Variants in HGSNAT observed in about 807,000 individuals in gnomAD.
HGSNAT encodes transmembrane protein 76.
A neutral mutation model predicts 85.2 loss-of-function variants in HGSNAT; 59 were observed. The observed-to-expected ratio is 0.69, with a 90% CI of 0.56 to 0.86. The LOEUF (loss-of-function observed/expected upper bound fraction) is 0.86, where lower values mean the gene tolerates loss of function less well. Ranked by LOEUF, HGSNAT falls within the 40% of genes least tolerant of loss-of-function variation. The pLI is 0.00. For synonymous variants in HGSNAT, 321 were observed against 304.5 expected, an observed-to-expected ratio of 1.05 and a Z score of -0.56; for missense variants, 756 against 777.1, an observed-to-expected ratio of 0.97 and a Z score of 0.32.
chr8:43,196,392 T>A (rs1207088584), intron 14 of HGSNAT: 3 of 1,114,806 alleles, frequency 2.7e-6, no homozygotes, highest in Non-Finnish European at 2.4e-6. Flanking sequence ...TCCCCCACCC[T>A]GCCTCTGGTT....
In HGSNAT at chr8:43,199,420, G is replaced by A. The variant is rs202128129; in HGVS notation, c.1759G>A (p.Glu587Lys). 373 of 1,607,222 alleles carry A rather than the reference G, an allele frequency of 2.3e-4. No homozygotes were observed. The African/African-American group carries it at 4.4e-3, about 19-fold the overall frequency. ...MNSILVYVGH[E>K]VFENYFPFQW... Reference sequence around the variant, plus strand: ...TTCCATTCTGGTATATGTCGGCCACGAGGTGTTTGAGAACTACTTCCCCTT... The same window carrying A: ...TTCCATTCTGGTATATGTCGGCCACAAGGTGTTTGAGAACTACTTCCCCTT... Residue 587 changes from glutamate to lysine, a missense_variant, in exon 18 of 18, where the codon GAG becomes AAG. By Grantham distance (56) the Glu-to-Lys change is moderately conservative (BLOSUM62 1). Coordinates refer to ENST00000379644, the MANE Select transcript of HGSNAT (RefSeq NM_152419.3).
chr8:43,143,736 TG>T (rs1302474832), intron 1 of HGSNAT, among the ~76,000 whole-genome samples: 2 of 150,726 alleles, frequency 1.3e-5, no homozygotes, highest in South Asian at 4.2e-4. Flanking sequence ...TTAGTAGAGA[TG>T]GGGTTTCACC....
chr8:43,169,387 C>T, intron 6 of HGSNAT, 145 bp downstream of exon 6: 1 of 508,694 alleles, frequency 2.0e-6, no homozygotes, highest in South Asian at 3.9e-5. Context: ...TAGAGAGCAG[C>T]CCTCTCTTCA....
At chr8:43,199,300 TCA>T in intron 17 of HGSNAT, 86 bp from the exon 18 acceptor site, 4 of 962,254 alleles carry the variant, frequency 4.2e-6, no homozygotes, top group Admixed American at 5.1e-5. Context: ...TTCTGTTTTT[TCA>T]TTGAACTGGT....
intron 5 of HGSNAT, among the ~76,000 whole-genome samples, chr8:43,167,565 A>C (rs549421180): frequency 1.1e-3 from 166 of 152,362 alleles, no homozygotes; most frequent in Non-Finnish European, 2.0e-3. Flanking sequence ...CACACTTAAT[A>C]GACTATAGTA....
In HGSNAT at chr8:43,192,166, G is replaced by C. The variant is rs1804555465; in HGVS notation, c.1251-138G>C. 4 of 883,736 alleles carry C rather than the reference G, an allele frequency of 4.5e-6. No individual in the cohort carries two copies. In the South Asian group the frequency reaches 5.8e-5, roughly 13 times the overall value. 54.7% of individuals were successfully genotyped at this position (883,736 alleles called of 1,614,324 possible). A position where few individuals can be genotyped will look rare whatever the true frequency, so the allele number is the denominator to read the frequency against. ...TGGTCTCAAATTCCTGACCTCAGGT[G>C]ATCTGCCCGCCTTGGCCTCCCAAAG... On this transcript the variant is annotated intron_variant, in intron 12 of 17. Coordinates refer to ENST00000379644, the MANE Select transcript of HGSNAT (RefSeq NM_152419.3).
At chr8:43,144,362 G>A (rs952319962) in intron 1 of HGSNAT, among the ~76,000 whole-genome samples, 6 of 151,624 alleles carry the variant, frequency 4.0e-5, no homozygotes, top group Non-Finnish European at 5.9e-5. Flanking sequence ...GGATGTTCCC[G>A]ATCCTGAAGA....
chr8:43,172,452 T>G (rs1159927816), intron 8 of HGSNAT, 66 bp downstream of exon 8: 1 of 1,152,434 alleles, frequency 8.7e-7, no homozygotes, highest in Non-Finnish European at 1.3e-6. Context: ...GGCAGGAGAA[T>G]CACTCAGCAT....
rs759417010 is a variant in HGSNAT, at chr8:43,192,355, C to T, written c.1302C>T (p.Cys434=). ...GAGATTTTGGCAAGTATCCAAATTG[C>T]ACTGGAGGAGCTGCAGGCTACATCG... ...GIGDFGKYPN[C]TGGAAGYIDR... is the part of the protein sequence containing the mutation. The change falls in exon 13 of 18, where the codon TGC becomes TGT. Residue 434 remains cysteine (C), a synonymous_variant. Coordinates refer to ENST00000379644, the MANE Select transcript of HGSNAT (RefSeq NM_152419.3). 3 of 1,612,104 alleles carry T rather than the reference C, an allele frequency of 1.9e-6. No homozygotes were observed. The South Asian group carries it at 3.3e-5, about 18-fold the overall frequency.
In HGSNAT at chr8:43,173,788, A is replaced by G. The variant is rs555633596; in HGVS notation, c.851+45A>G. The G allele has an allele frequency of 3.1e-5, 49 of 1,591,996 alleles. No individual in the cohort carries two copies. In the South Asian group the frequency reaches 4.0e-4, roughly 13 times the overall value. On this transcript the variant is annotated intron_variant, in intron 9 of 17. Coordinates refer to ENST00000379644, the MANE Select transcript of HGSNAT (RefSeq NM_152419.3). ...TCTTCTCTTCCACGGGTTGACTCCA[A>G]TCTCCTGTTTTTCAGATGATGCTGG...
In HGSNAT at chr8:43,197,700, T is replaced by C; in HGVS notation, c.1571T>C (p.Val524Ala). ...LGLISVALTK[V>A]SENEGFIPVN... ...CTCATTTCTGTTGCTCTGACGAAGG[T>C]TTCTGAAAATGAAGGCTTTATTCCA... Residue 524 changes from valine to alanine, a missense_variant, in exon 16 of 18, where the codon GTT becomes GCT. Coordinates refer to ENST00000379644, the MANE Select transcript of HGSNAT (RefSeq NM_152419.3). 6.2e-7 allele frequency: 1 copy of C among 1,613,430 alleles called. No individual in the cohort carries two copies. Among genetic ancestry groups the C allele is most frequent in the South Asian group, 1.1e-5 (1 of 91,070 alleles).
chr8:43,160,292 T>C (rs1443096582), intron 4 of HGSNAT, among the ~76,000 whole-genome samples: 3 of 152,218 alleles, frequency 2.0e-5, no homozygotes, highest in African/African-American at 4.8e-5. Flanking sequence ...AGGTAATAAA[T>C]ACAGCAAAAG....
At chr8:43,176,057 C>T (rs1435186425) in intron 9 of HGSNAT, among the ~76,000 whole-genome samples, 4 of 151,958 alleles carry the variant, frequency 2.6e-5, no homozygotes, top group African/African-American at 7.3e-5. Flanking sequence ...TGATATGATC[C>T]CGTTTGTCCA....
chr8:43,190,273 A>T (rs1804483284), intron 11 of HGSNAT, among the ~76,000 whole-genome samples: 1 of 152,166 alleles, frequency 6.6e-6, no homozygotes, highest in African/African-American at 2.4e-5. Context: ...AAATGTTTAA[A>T]TTCTTCCATT....
intron 10 of HGSNAT, among the ~76,000 whole-genome samples, chr8:43,178,535 C>G (rs1184444559): frequency 6.6e-6 from 1 of 150,714 alleles, no homozygotes; most frequent in East Asian, 1.9e-4. Flanking sequence ...CAGCAGGGAC[C>G]AGACCAGGCC....
At chr8:43,173,809 G>A in intron 9 of HGSNAT, 66 bp downstream of exon 9, 1 of 1,519,484 alleles carries the variant, frequency 6.6e-7, no homozygotes, top group Non-Finnish European at 9.0e-7. Context: ...TTCAGATGAT[G>A]CTGGAGCCTC....
intron 11 of HGSNAT, among the ~76,000 whole-genome samples, chr8:43,188,375 G>A (rs1036808004): frequency 1.3e-5 from 2 of 151,726 alleles, no homozygotes; most frequent in East Asian, 1.9e-4. Flanking sequence ...TTCTTTTCTC[G>A]CTTCATTTCA....
rs1804090326 is a variant in HGSNAT at position 43,181,122 on chromosome 8, GGAGAGGGAGAGGGAGAGGGA to G, written c.1013-1019_1013-1000del. Among the ~76,000 whole-genome samples the G allele has an allele frequency of 2.1e-3, 2 of 962 alleles. 1 individual carries two copies. Among genetic ancestry groups the G allele is most frequent in the African/African-American group, 8.0e-3 (2 of 250 alleles). 0.6% of individuals were successfully genotyped at this position (962 alleles called of 152,430 possible). ...GGGAGAGGGAGAGGGAGAGGGAGAG[GGAGAGGGAGAGGGAGAGGGA>G]GAGGGAGAGGGAGAGGGAGAGGGAG... On this transcript the variant is annotated intron_variant, in intron 10 of 17. Transcript: ENST00000379644.
intron 1 of HGSNAT, among the ~76,000 whole-genome samples, chr8:43,143,683 A>G (rs958157646): frequency 4.7e-5 from 7 of 149,514 alleles, no homozygotes; most frequent in Non-Finnish European, 7.4e-5. Flanking sequence ...GACTATAGGC[A>G]CCCACCATCA....
Sources: gnomAD v4.1 joint callset for allele counts (sites outside exome capture counted in the v4.1 genomes callset) on GRCh38, gnomAD v4.1.1 for gene constraint, MANE v1.5 for transcripts, NCBI Gene and HGNC (gene_info 2026-07-23, HGNC 2026-07-21) for gene names.